STK32B: variants seen among roughly 807,000 people sequenced by gnomAD.
STK32B encodes the protein serine/threonine-protein kinase 32B.
In STK32B, 43 loss-of-function variants were observed where a neutral mutation model predicts 52.6. The observed-to-expected ratio is 0.82, with a 90% CI of 0.64 to 1.05. STK32B has a LOEUF of 1.05. Ranked by LOEUF, STK32B falls within the 50% of genes least tolerant of loss-of-function variation. The pLI is 0.00. For synonymous variants in STK32B, 238 were observed against 204.3 expected, an observed-to-expected ratio of 1.17 and a Z score of -1.41; for missense variants, 621 against 534.6, an observed-to-expected ratio of 1.16 and a Z score of -1.59.
At chr4:5,188,917 A>C (rs1720960922) in intron 3 of STK32B, among the ~76,000 whole-genome samples, 1 of 152,062 alleles carries the variant, frequency 6.6e-6, no homozygotes, top group South Asian at 2.1e-4. Context: ...AATGTAAATG[A>C]TTAGCCAATG....
intron 2 of STK32B, among the ~76,000 whole-genome samples, chr4:5,146,209 A>G (rs1716901901): frequency 6.6e-6 from 1 of 152,150 alleles, no homozygotes; most frequent in Non-Finnish European, 1.5e-5. Context: ...CATGATCACA[A>G]GGTGAAGCCC....
chr4:5,373,702 C>T (rs1735397389), intron 4 of STK32B, among the ~76,000 whole-genome samples: 1 of 152,166 alleles, frequency 6.6e-6, no homozygotes, highest in East Asian at 1.9e-4. Flanking sequence ...TCTCAGGAAT[C>T]CGCCTCTCTC....
intron 4 of STK32B, among the ~76,000 whole-genome samples, chr4:5,358,307 T>A (rs1054203187): frequency 6.6e-6 from 1 of 152,198 alleles, no homozygotes; most frequent in African/African-American, 2.4e-5. Context: ...AACAAATCTT[T>A]AAAAGGATCC....
chr4:5,340,810 G>C (rs1733024421), intron 4 of STK32B, among the ~76,000 whole-genome samples: 1 of 152,192 alleles, frequency 6.6e-6, no homozygotes, highest in South Asian at 2.1e-4. Context: ...ATATGCATGT[G>C]TATGTACACA....
At chr4:5,147,029 C>A (rs1460304200) in intron 2 of STK32B, among the ~76,000 whole-genome samples, 1 of 152,044 alleles carries the variant, frequency 6.6e-6, no homozygotes, top group Non-Finnish European at 1.5e-5. Context: ...GTCTTCTAAT[C>A]CATGGACATG....
chr4:5,322,194 G>T (rs28722146), intron 3 of STK32B, among the ~76,000 whole-genome samples: 10,949 of 152,092 alleles, frequency 0.072, 411 homozygotes, highest in South Asian at 0.098. Context: ...GCTTATCATT[G>T]TGAATGTTAT....
intron 1 of STK32B, among the ~76,000 whole-genome samples, chr4:5,118,333 T>C (rs1714848444): frequency 6.6e-6 from 1 of 152,244 alleles, no homozygotes; most frequent in African/African-American, 2.4e-5. Context: ...GTAATCCAGT[T>C]TTGACTGGCA....
rs78780519 is a variant in STK32B, at chr4:5,191,765, A to G, written c.260+23315A>G. Among the ~76,000 whole-genome samples the G allele has an allele frequency of 5.7e-3, 863 of 152,340 alleles. 6 individuals are homozygous for G. Among genetic ancestry groups the G allele is most frequent in the African/African-American group, 0.019 (797 of 41,572 alleles). ...TGAGTGGAGATAGATCACTCAGACT[A>G]TGTGATCAAATCAAAAAAAGAATTA... On this transcript the variant is annotated intron_variant, in intron 3 of 11. Transcript: ENST00000282908.
At chr4:5,397,813 C>G (rs1022840304) in intron 4 of STK32B, among the ~76,000 whole-genome samples, 1 of 152,220 alleles carries the variant, frequency 6.6e-6, no homozygotes, top group Non-Finnish European at 1.5e-5. Context: ...TCATTGAGCT[C>G]GAGTGGATGC....
intron 3 of STK32B, among the ~76,000 whole-genome samples, chr4:5,278,512 C>A (rs1727987684): frequency 6.6e-6 from 1 of 152,132 alleles, no homozygotes; most frequent in Non-Finnish European, 1.5e-5. Context: ...ACTAGAACAA[C>A]AACAAAAATC....
At chr4:5,455,440 T>C (rs1380582280) in intron 7 of STK32B, among the ~76,000 whole-genome samples, 2 of 152,106 alleles carry the variant, frequency 1.3e-5, no homozygotes, top group Non-Finnish European at 2.9e-5. Flanking sequence ...GGAAATCAGC[T>C]CCTCCCCTGG....
At chr4:5,412,450 G>GT (rs1051370306) in intron 5 of STK32B, among the ~76,000 whole-genome samples, 2 of 152,160 alleles carry the variant, frequency 1.3e-5, no homozygotes, top group Admixed American at 1.3e-4. Flanking sequence ...GTCGTGCAGG[G>GT]TGTTGCCCAC....
At chr4:5,307,158 A>T (rs1209770846) in intron 3 of STK32B, among the ~76,000 whole-genome samples, 9 of 151,972 alleles carry the variant, frequency 5.9e-5, no homozygotes, top group Admixed American at 5.9e-4. Flanking sequence ...GTGTTTTTTG[A>T]ACTTGTTGTA....
Position 5,051,924 on chromosome 4 carries a change from G to C in STK32B, c.52+9G>C, listed in dbSNP as rs745933012. 1 of 1,586,776 alleles carries C rather than the reference G, an allele frequency of 6.3e-7. No individual in the cohort carries two copies. The highest frequency in any genetic ancestry group is 1.4e-5 in the African/African-American group (1 of 73,982). On this transcript the variant is annotated intron_variant, in intron 1 of 11. Transcript: ENST00000282908. Reference sequence around the variant, plus strand: ...TGACGAGAATGAGGAAGGTAAGAGAGCGAGAGGTGCGAATTCCCGCTTCGC... The same window carrying C: ...TGACGAGAATGAGGAAGGTAAGAGACCGAGAGGTGCGAATTCCCGCTTCGC...
At chr4:5,321,568 C>T (rs7689962) in intron 3 of STK32B, among the ~76,000 whole-genome samples, 3,602 of 152,260 alleles carry the variant, frequency 0.024, 139 homozygotes, top group African/African-American at 0.081. Flanking sequence ...GCCTCTCCTT[C>T]GTTGTACATT....
At chr4:5,493,785 T>C (rs1577062916) in intron 11 of STK32B, among the ~76,000 whole-genome samples, 1 of 152,354 alleles carries the variant, frequency 6.6e-6, no homozygotes, top group East Asian at 1.9e-4. Context: ...TGTGTCTTTG[T>C]TCTCATTGGT....
intron 3 of STK32B, among the ~76,000 whole-genome samples, chr4:5,258,495 C>T (rs541075990): frequency 1.4e-4 from 21 of 152,290 alleles, no homozygotes; most frequent in Admixed American, 9.8e-4. Flanking sequence ...CTGTTGCAAG[C>T]GTTCCGTGCA....
intron 4 of STK32B, among the ~76,000 whole-genome samples, chr4:5,385,726 C>T (rs569936444): frequency 6.6e-6 from 1 of 152,190 alleles, no homozygotes; most frequent in South Asian, 2.1e-4. Context: ...TCAGTCCATC[C>T]TCATGGAACC....
At chr4:5,497,968 T>C (rs1439449175) in intron 11 of STK32B, among the ~76,000 whole-genome samples, 1 of 152,204 alleles carries the variant, frequency 6.6e-6, no homozygotes, top group Non-Finnish European at 1.5e-5. Flanking sequence ...GTAATTATTA[T>C]TATTCCCAGC....
Sources: allele counts gnomAD v4.1 joint callset (sites outside exome capture counted in the v4.1 genomes callset), GRCh38; gene constraint gnomAD v4.1.1; transcripts MANE v1.5; gene names NCBI Gene and HGNC (gene_info 2026-07-23, HGNC 2026-07-21).